The following NCAM2 variants were observed in gnomAD, a reference collection of about 807,000 sequenced individuals.
NCAM2 encodes the protein neural cell adhesion molecule 2.
A neutral mutation model predicts 98.1 loss-of-function variants in NCAM2; 30 were observed. That is an observed-to-expected ratio of 0.31 (90% confidence interval 0.23 to 0.41). The LOEUF is 0.41. NCAM2 is among the 10% of genes least tolerant of loss of function. NCAM2 has a pLI of 1.00. For missense variants in NCAM2, 867 were observed against 1,005.8 expected, an observed-to-expected ratio of 0.86 and a Z score of 1.87; for synonymous variants, 368 against 342.4, an observed-to-expected ratio of 1.07 and a Z score of -0.83.
chr21:21,419,692 T>A (rs553162775), intron 11 of NCAM2, among the ~76,000 whole-genome samples: 14 of 152,024 alleles, frequency 9.2e-5, no homozygotes, highest in Non-Finnish European at 2.1e-4. Context: ...ACATGAACTC[T>A]TCATTTTTTA....
At chr21:21,022,427 T>G (rs1186387699) in intron 1 of NCAM2, among the ~76,000 whole-genome samples, 1 of 152,104 alleles carries the variant, frequency 6.6e-6, no homozygotes, top group Admixed American at 6.5e-5. Context: ...CCTGCCTAAC[T>G]AAATTATTTT....
chr21:21,424,302 A>G (rs938753537), intron 11 of NCAM2, among the ~76,000 whole-genome samples: 1 of 152,226 alleles, frequency 6.6e-6, no homozygotes, highest in African/African-American at 2.4e-5. Context: ...TCACTCAAAA[A>G]ATATAATGAA....
chr21:21,498,940 G>A (rs1374924236), intron 15 of NCAM2, among the ~76,000 whole-genome samples: 1 of 152,020 alleles, frequency 6.6e-6, no homozygotes, highest in Non-Finnish European at 1.5e-5. Context: ...TCTCAAAACT[G>A]AGCAAAAGCC....
chr21:21,031,731 T>A (rs1345154842), intron 1 of NCAM2, among the ~76,000 whole-genome samples: 1 of 152,172 alleles, frequency 6.6e-6, no homozygotes, highest in Non-Finnish European at 1.5e-5. Context: ...GAACTGAACA[T>A]TTTTTACCTT....
At chr21:21,198,587 TATC>T (rs1476242898) in intron 1 of NCAM2, among the ~76,000 whole-genome samples, 3 of 152,176 alleles carry the variant, frequency 2.0e-5, no homozygotes, top group Admixed American at 2.0e-4. Context: ...AAATAATTCT[TATC>T]ATTCTGACTC....
At chr21:21,504,132 G>A (rs564138308) in intron 15 of NCAM2, among the ~76,000 whole-genome samples, 2 of 151,588 alleles carry the variant, frequency 1.3e-5, no homozygotes, top group Admixed American at 6.6e-5. Context: ...TTCATTACTC[G>A]TTGGTGAATA....
chr21:21,028,013 T>G (rs2064590340), intron 1 of NCAM2, among the ~76,000 whole-genome samples: 1 of 151,930 alleles, frequency 6.6e-6, no homozygotes, highest in African/African-American at 2.4e-5. Context: ...ACAGGCAGGC[T>G]CCACCACACC....
intron 16 of NCAM2, among the ~76,000 whole-genome samples, chr21:21,510,097 C>T (rs976547271): frequency 1.3e-5 from 2 of 152,080 alleles, no homozygotes; most frequent in Non-Finnish European, 2.9e-5. Flanking sequence ...ATACGTTAAT[C>T]CCTTATATTT....
chr21:21,318,678 C>T (rs956976290), intron 5 of NCAM2, among the ~76,000 whole-genome samples: 2 of 152,040 alleles, frequency 1.3e-5, no homozygotes, highest in African/African-American at 4.8e-5. Context: ...TATTCATTTA[C>T]CACTTTACCT....
At chr21:21,452,776 TAGTATTACTTTATATA>T (rs373402860) in intron 12 of NCAM2, among the ~76,000 whole-genome samples, 13,785 of 106,248 alleles carry the variant, frequency 0.13, 978 homozygotes, top group East Asian at 0.14. Flanking sequence ...TATTAAAATA[TAGTATTACTTTATATA>T]TAAAATATAG....
In NCAM2 at chr21:21,422,895, A is replaced by G. The variant is rs232384; in HGVS notation, c.1480+4326A>G. On this transcript the variant is annotated intron_variant, in intron 11 of 17. Transcript: ENST00000400546. ...TGTAAGGCTAAATAAAAGTTTGACTATATAGTGTTATTTCTTCCTTACAAT... is the reference window on the plus strand; with the variant it reads ...TGTAAGGCTAAATAAAAGTTTGACTGTATAGTGTTATTTCTTCCTTACAAT... Among the ~76,000 whole-genome samples, 1,154 of 152,288 alleles carry G rather than the reference A, an allele frequency of 7.6e-3. 13 individuals are homozygous for G. The highest frequency in any genetic ancestry group is 0.026 in the African/African-American group (1,074 of 41,568).
chr21:21,218,311 G>A (rs955906354), intron 1 of NCAM2, among the ~76,000 whole-genome samples: 2 of 152,030 alleles, frequency 1.3e-5, no homozygotes, highest in African/African-American at 4.8e-5. Context: ...AAGAGAATTA[G>A]CTCTCACTTT....
At chr21:21,493,625 A>G (rs1987002020) in intron 15 of NCAM2, among the ~76,000 whole-genome samples, 1 of 151,900 alleles carries the variant, frequency 6.6e-6, no homozygotes, top group African/African-American at 2.4e-5. Flanking sequence ...TGGATAAATT[A>G]ATAATGACCT....
rs190371753 is a variant in NCAM2, at chr21:21,502,441, T to A, written c.2078-6410T>A. Among the ~76,000 whole-genome samples the A allele has an allele frequency of 1.1e-4, 16 of 152,096 alleles. 1 individual carries two copies. The highest frequency in any genetic ancestry group is 1.0e-3 in the Admixed American group (16 of 15,254). On this transcript the variant is annotated intron_variant, in intron 15 of 17. Coordinates refer to ENST00000400546, the MANE Select transcript of NCAM2 (RefSeq NM_004540.5). Reference sequence around the variant, plus strand: ...ATTGTTGAATTCATGTCTATTGACCTTAATCTACAAAGCAAACTAAAACAT... The same window carrying A: ...ATTGTTGAATTCATGTCTATTGACCATAATCTACAAAGCAAACTAAAACAT...
rs2074928485 is a variant in NCAM2, at chr21:21,338,132, A to G, written c.899-257A>G. Among the ~76,000 whole-genome samples, 3 of 152,276 alleles carry G rather than the reference A, an allele frequency of 2.0e-5. No individual in the cohort carries two copies. The South Asian group carries it at 6.2e-4, about 32-fold the overall frequency. ...AATTGGCAGAATTTTGAAACAAATT[A>G]TAATTTGGATGTTGGTTTCTAAGTC... is the stretch of plus-strand genomic sequence containing the variant. On this transcript the variant is annotated intron_variant, in intron 7 of 17. Coordinates refer to ENST00000400546, the MANE Select transcript of NCAM2 (RefSeq NM_004540.5).
chr21:21,438,681 G>A (rs548857958), intron 12 of NCAM2, among the ~76,000 whole-genome samples: 4 of 152,220 alleles, frequency 2.6e-5, no homozygotes, highest in East Asian at 3.9e-4. Flanking sequence ...ATAATATTTT[G>A]TGGGTTTCAT....
chr21:21,268,066 A>T (rs1427755832), intron 1 of NCAM2, among the ~76,000 whole-genome samples: 1 of 151,440 alleles, frequency 6.6e-6, no homozygotes, highest in Admixed American at 6.6e-5. Flanking sequence ...TGAATTTCTG[A>T]CTCTTTGAAC....
At chr21:21,438,059 T>C (rs1978655168) in intron 12 of NCAM2, among the ~76,000 whole-genome samples, 1 of 152,196 alleles carries the variant, frequency 6.6e-6, no homozygotes, top group Admixed American at 6.5e-5. Context: ...TGTTAGAAGA[T>C]AGATTTAGGT....
intron 8 of NCAM2, among the ~76,000 whole-genome samples, chr21:21,341,880 T>G (rs1259543119): frequency 6.6e-6 from 1 of 152,138 alleles, no homozygotes; most frequent in Admixed American, 6.6e-5. Context: ...AGCCCTCCCC[T>G]GTGTGAGAAG....
Sources: allele counts gnomAD v4.1 joint callset (sites outside exome capture counted in the v4.1 genomes callset), GRCh38; gene constraint gnomAD v4.1.1; transcripts MANE v1.5; gene names NCBI Gene and HGNC (gene_info 2026-07-23, HGNC 2026-07-21).